MAPKBP1: variants seen among roughly 807,000 people sequenced by gnomAD.
MAPKBP1 encodes the protein mitogen-activated protein kinase binding protein 1, also known as mitogen-activated protein kinase-binding protein 1.
Under a neutral mutation model 170.5 loss-of-function variants are expected in MAPKBP1, and 71 were observed. The ratio of observed to expected loss-of-function variants is 0.42; its 90% confidence interval spans 0.34 to 0.51. The LOEUF (loss-of-function observed/expected upper bound fraction) is 0.51. MAPKBP1 is among the 20% of genes least tolerant of loss of function. The pLI is 0.06. For synonymous variants in MAPKBP1, 719 were observed against 757.9 expected (o/e 0.95, Z 0.84); for missense variants, 1,598 against 1,933.0 (o/e 0.83, Z 3.25).
chr15:41,814,390 C>T lies in MAPKBP1; in HGVS notation c.981-160C>T, dbSNP rs140345780. 3.0e-3 allele frequency among the ~76,000 whole-genome samples: 459 copies of T among 152,288 alleles called. 2 individuals carry two copies. Among genetic ancestry groups the T allele is most frequent in the African/African-American group, 0.01 (427 of 41,544 alleles). On this transcript the variant is annotated intron_variant, in intron 9 of 30. Transcript: ENST00000457542. Reference sequence around the variant, plus strand: ...CCAGCAGCTAGTGCTGGGTCAGGTTCCTGCTGATGGCTAGTAGGGGCTCCT... The same window carrying T: ...CCAGCAGCTAGTGCTGGGTCAGGTTTCTGCTGATGGCTAGTAGGGGCTCCT...
chr15:41,817,955 G>C lies in MAPKBP1; in HGVS notation c.1905-54G>C. The C allele has an allele frequency of 6.3e-7, 1 of 1,582,750 alleles. No homozygotes were observed. Among genetic ancestry groups the C allele is most frequent in the African/African-American group, 1.3e-5 (1 of 74,324 alleles). Reference sequence around the variant, plus strand: ...TGAAAGCTGGCATTTCCATCCCCCAGGCGTGTTCCACCTTCACCGCCTCCT... The same window carrying C: ...TGAAAGCTGGCATTTCCATCCCCCACGCGTGTTCCACCTTCACCGCCTCCT... On this transcript the variant is annotated intron_variant, in intron 16 of 30. Transcript: ENST00000457542. The surrounding 1 kb of genome is among the most constrained non-coding windows in gnomAD (Gnocchi z 4.2).
At chr15:41,791,971 CTT>C (rs2064403924) in intron 2 of MAPKBP1, among the ~76,000 whole-genome samples, 1 of 151,560 alleles carries the variant, frequency 6.6e-6, no homozygotes, top group Non-Finnish European at 1.5e-5. Flanking sequence ...AGTAGAATCA[CTT>C]GAACCCGGGA....
rs1567154591 is a variant in MAPKBP1, at chr15:41,820,911, C to T, written c.2561C>T (p.Pro854Leu). The part of the protein sequence containing the change: ...GPRRRGRWVQ[P>L]GVELSVRSML... ...AGAAGAAGAGGGCGCTGGGTTCAGC[C>T]AGGTGTGGAACTGAGCGTTAGATCC... The change falls in exon 23 of 31, where the codon CCA (proline) becomes CTA (leucine). Residue 854 changes from proline (P) to leucine (L), a missense_variant. By Grantham distance (98) the Pro-to-Leu change is moderately conservative. Transcript: ENST00000457542. The T allele has an allele frequency of 5.6e-6, 9 of 1,614,066 alleles. No individual in the cohort carries two copies. The highest frequency in any genetic ancestry group is 7.6e-6 in the Non-Finnish European group (9 of 1,180,034).
In MAPKBP1 at chr15:41,782,653, C is replaced by T. The variant is rs144475754; in HGVS notation, c.114+7264C>T. Among the ~76,000 whole-genome samples the T allele has an allele frequency of 5.5e-3, 832 of 152,246 alleles. 9 individuals carry two copies. Among genetic ancestry groups the T allele is most frequent in the African/African-American group, 0.019 (805 of 41,530 alleles). Reference sequence around the variant, plus strand: ...GGCTTTCTGAACTCCAGGGCCCACACTTAATCTTTATTCTGCATTCCTCCC... The same window carrying T: ...GGCTTTCTGAACTCCAGGGCCCACATTTAATCTTTATTCTGCATTCCTCCC... On this transcript the variant is annotated intron_variant, in intron 2 of 30. Coordinates refer to ENST00000457542, the MANE Select transcript of MAPKBP1 (RefSeq NM_014994.3).
At chr15:41,797,264 A>G (rs1333374148) in intron 2 of MAPKBP1, among the ~76,000 whole-genome samples, 4 of 152,204 alleles carry the variant, frequency 2.6e-5, no homozygotes, top group African/African-American at 9.7e-5. Context: ...GAGGGACGGA[A>G]GGGATCAATG....
At chr15:41,808,180 T>C (rs1328984524) in intron 3 of MAPKBP1, among the ~76,000 whole-genome samples, 1 of 146,440 alleles carries the variant, frequency 6.8e-6, no homozygotes, top group Non-Finnish European at 1.5e-5. Flanking sequence ...GATTTTGGCT[T>C]GCTGCAAGCT....
At chr15:41,802,689 G>C (rs542386111) in intron 3 of MAPKBP1, among the ~76,000 whole-genome samples, 1 of 152,348 alleles carries the variant, frequency 6.6e-6, no homozygotes, top group South Asian at 2.1e-4. Flanking sequence ...GGCCAGGCTG[G>C]TCTTGAACTA....
At chr15:41,811,902 G>A (rs2064813333) in intron 5 of MAPKBP1, 55 bp from the exon 6 acceptor site, 2 of 1,589,912 alleles carry the variant, frequency 1.3e-6, no homozygotes, top group South Asian at 1.1e-5. Context: ...ACGAAGTGGG[G>A]CTGTATGCCT....
At chr15:41,806,594 T>G (rs1596081743) in intron 3 of MAPKBP1, among the ~76,000 whole-genome samples, 1 of 152,170 alleles carries the variant, frequency 6.6e-6, no homozygotes, top group African/African-American at 2.4e-5. Flanking sequence ...CACCTGGCAC[T>G]GGTACTCCAC....
rs1400647020 is a variant in MAPKBP1, at chr15:41,827,830, T to C, written c.*2394T>C. On this transcript the variant is annotated 3_prime_UTR_variant, in exon 31 of 31. Transcript: ENST00000457542. ...GCCCGTTTGTACTGATGTATGAACT[T>C]GTCAATAAACACAATTGTTTGTTAA... is the stretch of plus-strand genomic sequence containing the variant. 5.1e-6 allele frequency: 2 copies of C among 389,840 alleles called. No homozygotes were observed. The highest frequency in any genetic ancestry group is 9.1e-6 in the Non-Finnish European group (2 of 218,634). The allele number at this position is 389,840 out of a possible 1,614,324, so 24.1% of individuals were successfully genotyped here. A position where few individuals can be genotyped will look rare whatever the true frequency, so the allele number is the denominator to read the frequency against.
chr15:41,786,777 A>AAATATATATATATATAT lies in MAPKBP1; in HGVS notation c.114+11389_114+11390insATATATATATATATATA. 8.3e-4 allele frequency among the ~76,000 whole-genome samples: 27 copies of AAATATATATATATATAT among 32,408 alleles called. 1 individual carries two copies. Among genetic ancestry groups the AAATATATATATATATAT allele is most frequent in the East Asian group, 5.6e-3 (7 of 1,248 alleles). 21.3% of individuals were successfully genotyped at this position (32,408 alleles called of 152,430 possible). A position where few individuals can be genotyped will look rare whatever the true frequency, so the allele number is the denominator to read the frequency against. ...CAGACTCCGTCTAAAAAAAAAAAAA[A>AAATATATATATATATAT]ATATATATATATATATATATATATA... On this transcript the variant is annotated intron_variant, in intron 2 of 30. Coordinates refer to ENST00000457542, the MANE Select transcript of MAPKBP1 (RefSeq NM_014994.3).
At position 41,823,996 on chromosome 15, in the gene MAPKBP1, C is replaced by A; in HGVS notation, c.4148C>A (p.Pro1383His). The A allele has an allele frequency of 1.2e-6, 2 of 1,613,414 alleles. No homozygotes were observed. Among genetic ancestry groups the A allele is most frequent in the Non-Finnish European group, 1.7e-6 (2 of 1,180,010 alleles). The stretch of plus-strand genomic sequence containing the variant: ...GGCCCTGAAAACTTGCAGCCCCCAC[C>A]CCCTGAGAAGACTCCCAACCCCATG... ...FQGPENLQPPPPEKTPNPMEC... is the reference protein window; with the variant it reads ...FQGPENLQPPHPEKTPNPMEC... Residue 1383 changes from proline (P) to histidine (H), a missense_variant, in exon 29 of 31, where the codon CCC (proline) becomes CAC (histidine). Coordinates refer to ENST00000457542, the MANE Select transcript of MAPKBP1 (RefSeq NM_014994.3).
In MAPKBP1 at chr15:41,784,768, G is replaced by A. The variant is rs1224647539; in HGVS notation, c.114+9379G>A. Among the ~76,000 whole-genome samples the A allele has an allele frequency of 3.4e-5, 4 of 117,560 alleles. No individual in the cohort carries two copies. The Admixed American group carries it at 3.5e-4, about 10-fold the overall frequency. 77.1% of individuals were successfully genotyped at this position (117,560 alleles called of 152,430 possible). ...CTACACTCCAGCCTGGCAATAGAGC[G>A]AGACTCCGTCTCAAAAAAAAAAAAA... is the stretch of plus-strand genomic sequence containing the variant. On this transcript the variant is annotated intron_variant, in intron 2 of 30. Transcript: ENST00000457542.
Position 41,822,290 on chromosome 15 carries a change from G to A in MAPKBP1, c.3097G>A (p.Gly1033Ser). ...CTCAGACCTTGAAGAGCCAGCTGAG[G>A]GTGATGAAGAAGAGGAAGAAGAGGA... ...ISSDLEEPAEGDEEEEEEEGG... is the reference protein window; with the variant it reads ...ISSDLEEPAESDEEEEEEEGG... Residue 1033 changes from glycine to serine, a missense_variant, in exon 26 of 31, where the codon GGT becomes AGT. Physicochemically the swap from Gly to Ser is moderately conservative, Grantham distance 56. Transcript: ENST00000457542. 1.2e-6 allele frequency: 2 copies of A among 1,614,080 alleles called. No individual in the cohort carries two copies. Among genetic ancestry groups the A allele is most frequent in the South Asian group, 2.2e-5 (2 of 91,088 alleles).
intron 29 of MAPKBP1, 70 bp downstream of exon 29, chr15:41,824,131 G>T (rs1418591765): frequency 1.3e-6 from 2 of 1,515,660 alleles, no homozygotes; most frequent in East Asian, 2.3e-5. Flanking sequence ...GCCGCTGTCT[G>T]GCTCCATCCC....
intron 2 of MAPKBP1, among the ~76,000 whole-genome samples, chr15:41,793,315 G>A (rs546845579): frequency 9.9e-5 from 15 of 152,044 alleles, no homozygotes; most frequent in East Asian, 1.9e-4. Context: ...GTGAAACCCC[G>A]TCTCTACTAA....
At chr15:41,804,297 T>A (rs1255260054) in intron 3 of MAPKBP1, among the ~76,000 whole-genome samples, 1 of 152,252 alleles carries the variant, frequency 6.6e-6, no homozygotes, top group African/African-American at 2.4e-5. Flanking sequence ...CTCTGGTGTT[T>A]AATGGCTGCA....
intron 2 of MAPKBP1, among the ~76,000 whole-genome samples, chr15:41,782,519 A>G (rs115558657): frequency 0.014 from 2,127 of 152,252 alleles, 53 homozygotes; most frequent in African/African-American, 0.049. Flanking sequence ...TCTACCATAA[A>G]TACTATTACC....
intron 5 of MAPKBP1, 85 bp from the exon 6 acceptor site, chr15:41,811,872 C>T (rs1184017596): frequency 3.2e-5 from 45 of 1,420,106 alleles, no homozygotes; most frequent in Non-Finnish European, 4.3e-5. Context: ...GCTGAGGAGG[C>T]GAGGGCCCCG....
Sources: gnomAD v4.1 joint callset for allele counts (sites outside exome capture counted in the v4.1 genomes callset) on GRCh38, gnomAD v4.1.1 for gene constraint, Gnocchi (gnomAD v3.1) non-coding constraint, MANE v1.5 for transcripts, NCBI Gene and HGNC (gene_info 2026-07-23, HGNC 2026-07-21) for gene names.